Variants in PNPLA1 observed in about 807,000 individuals in gnomAD.
The protein encoded by PNPLA1 is omega-hydroxyceramide transacylase.
PNPLA1 carries 36 observed loss-of-function variants against 51.7 expected under a neutral mutation model. The ratio of observed to expected loss-of-function variants is 0.70; its 90% confidence interval spans 0.53 to 0.92. The LOEUF is 0.92. Among genes scored for constraint, PNPLA1 ranks in the 40% least tolerant of loss-of-function variants. PNPLA1 has a pLI of 0.00. For synonymous variants in PNPLA1, 293 were observed against 280.1 expected (o/e 1.05, Z -0.46); for missense variants, 658 against 682.5 (o/e 0.96, Z 0.40).
chr6:36,278,500 G>A (rs1770178828), intron 1 of PNPLA1, among the ~76,000 whole-genome samples: 1 of 152,170 alleles, frequency 6.6e-6, no homozygotes. Flanking sequence ...TGACTAGTTG[G>A]AGGCAGACCT....
At chr6:36,254,053 T>C (rs1258939177) in intron 1 of PNPLA1, among the ~76,000 whole-genome samples, 1 of 152,192 alleles carries the variant, frequency 6.6e-6, no homozygotes, top group Non-Finnish European at 1.5e-5. Context: ...GAAAGCAATA[T>C]GTTTTCTCAC....
At chr6:36,262,723 C>A (rs947159979) in intron 1 of PNPLA1, among the ~76,000 whole-genome samples, 3 of 152,180 alleles carry the variant, frequency 2.0e-5, no homozygotes, top group African/African-American at 7.2e-5. Context: ...GTTTCTTTAT[C>A]GTTATTTTTC....
intron 1 of PNPLA1, among the ~76,000 whole-genome samples, chr6:36,246,653 A>G (rs1769292018): frequency 6.6e-6 from 1 of 152,150 alleles, no homozygotes; most frequent in Admixed American, 6.5e-5. Flanking sequence ...CTTTATGCAT[A>G]AGAAACTAGA....
At chr6:36,256,106 T>A (rs1009611899) in intron 1 of PNPLA1, among the ~76,000 whole-genome samples, 6 of 152,152 alleles carry the variant, frequency 3.9e-5, no homozygotes, top group Non-Finnish European at 8.8e-5. Flanking sequence ...ACAGGTGATA[T>A]AATTGAATGA....
In PNPLA1 at chr6:36,294,082, T is replaced by C; in HGVS notation, c.505-108T>C. The stretch of plus-strand genomic sequence containing the variant: ...CCTGAGGGGTCTTCTGGATCTTCCT[T>C]GATGGGCCCTTGAAGCTGGTGCCAT... On this transcript the variant is annotated intron_variant, in intron 3 of 8. Transcript: ENST00000636260. The surrounding 1 kb of genome is among the most constrained non-coding windows in gnomAD (Gnocchi z 4.2). 7.7e-7 allele frequency: 1 copy of C among 1,305,668 alleles called. No homozygotes were observed. Among genetic ancestry groups the C allele is most frequent in the Admixed American group, 2.1e-5 (1 of 47,104 alleles). 80.9% of individuals were successfully genotyped at this position (1,305,668 alleles called of 1,614,324 possible). A position where few individuals can be genotyped will look rare whatever the true frequency, so the allele number is the denominator to read the frequency against.
chr6:36,304,926 A>T (rs933234), intron 6 of PNPLA1, among the ~76,000 whole-genome samples: 23,738 of 152,026 alleles, frequency 0.16, 1,955 homozygotes, highest in African/African-American at 0.2. Flanking sequence ...CAGGCTGGGG[A>T]CACTGAAAAA....
In PNPLA1 at chr6:36,293,087, G is replaced by C; in HGVS notation, c.465G>C (p.Pro155=). 6.2e-7 allele frequency: 1 copy of C among 1,614,026 alleles called. No individual in the cohort carries two copies. ...CCCTATACTGCAGCTGCTTCGTCCC[G>C]GTGTACTGTGGCCTCATCCCCCCGA... ...IEALYCSCFV[P]VYCGLIPPTY... Residue 155 remains proline, a synonymous_variant, in exon 3 of 9, where the codon CCG becomes CCC. Transcript: ENST00000636260.
intron 1 of PNPLA1, among the ~76,000 whole-genome samples, chr6:36,276,760 T>G (rs879750998): frequency 2.1e-4 from 30 of 145,672 alleles, no homozygotes; most frequent in Non-Finnish European, 2.7e-4. Flanking sequence ...GTTCGTTCCT[T>G]CCTTCCTTCC....
chr6:36,293,146 G>A lies in PNPLA1; in HGVS notation c.504+20G>A. ...GGTGTGGTGAGTGCTTCGGCATGGTGAGGGGTGAGATGGGATCCAAGGGAC... is the reference window on the plus strand; with the variant it reads ...GGTGTGGTGAGTGCTTCGGCATGGTAAGGGGTGAGATGGGATCCAAGGGAC... On this transcript the variant is annotated intron_variant, in intron 3 of 8. Coordinates refer to ENST00000636260, the MANE Select transcript of PNPLA1 (RefSeq NM_001374623.1). 6.2e-7 allele frequency: 1 copy of A among 1,611,618 alleles called. No individual in the cohort carries two copies. The highest frequency in any genetic ancestry group is 8.5e-7 in the Non-Finnish European group (1 of 1,177,790).
chr6:36,264,396 G>A (rs1769718141), intron 1 of PNPLA1, among the ~76,000 whole-genome samples: 1 of 152,032 alleles, frequency 6.6e-6, no homozygotes, highest in Non-Finnish European at 1.5e-5. Flanking sequence ...ATAACACCAA[G>A]TAAAAACAGC....
chr6:36,282,062 A>AAAGAAAGAAAGAAAGC (rs1770305764), intron 1 of PNPLA1, among the ~76,000 whole-genome samples: 1 of 115,120 alleles, frequency 8.7e-6, no homozygotes. Context: ...AGAAAGAAAG[A>AAAGAAAGAAAGAAAGC]AAGAAAGAAA....
At chr6:36,293,203 C>A in intron 3 of PNPLA1, 77 bp downstream of exon 3, 1 of 1,427,882 alleles carries the variant, frequency 7.0e-7, no homozygotes, top group Non-Finnish European at 9.8e-7. Flanking sequence ...CCTGGGGGAG[C>A]AGGGGGGTGG....
chr6:36,247,352 G>A (rs576382040), intron 1 of PNPLA1, among the ~76,000 whole-genome samples: 3 of 152,120 alleles, frequency 2.0e-5, no homozygotes, highest in Non-Finnish European at 4.4e-5. Flanking sequence ...GACTGTACTT[G>A]CTTGGCAAAA....
intron 7 of PNPLA1, 72 bp downstream of exon 7, chr6:36,306,448 C>G: frequency 4.4e-6 from 6 of 1,352,096 alleles, no homozygotes; most frequent in Non-Finnish European, 6.2e-6. Flanking sequence ...GCGATATCTT[C>G]CACCACCTTA....
rs1221161898 is a variant in PNPLA1 at position 36,273,650 on chromosome 6, T to C, written c.205+2986T>C. Among the ~76,000 whole-genome samples the C allele has an allele frequency of 2.1e-5, 3 of 139,934 alleles. No individual in the cohort carries two copies. The East Asian group carries it at 6.4e-4, about 30-fold the overall frequency. The allele number at this position is 139,934 out of a possible 152,430, so 91.8% of individuals were successfully genotyped here. A position where few individuals can be genotyped will look rare whatever the true frequency, so the allele number is the denominator to read the frequency against. On this transcript the variant is annotated intron_variant, in intron 1 of 8. Coordinates refer to ENST00000636260, the MANE Select transcript of PNPLA1 (RefSeq NM_001374623.1). ...GCTCATGCCTGTGATCCCAGCACTT[T>C]GAGAGGCCAAGGCAGGAAGATTGTG... is the stretch of plus-strand genomic sequence containing the variant.
chr6:36,311,095 C>T (rs1771398081), intron 8 of PNPLA1, among the ~76,000 whole-genome samples: 1 of 152,180 alleles, frequency 6.6e-6, no homozygotes, highest in African/African-American at 2.4e-5. Context: ...CTTGGGCTCA[C>T]CCTGCACCTA....
intron 1 of PNPLA1, among the ~76,000 whole-genome samples, chr6:36,254,480 G>A (rs1453809093): frequency 6.6e-6 from 1 of 152,034 alleles, no homozygotes; most frequent in African/African-American, 2.4e-5. Context: ...GGAGGCTGAG[G>A]CAGAGGATCA....
chr6:36,283,411 C>T (rs1379891258), intron 1 of PNPLA1, among the ~76,000 whole-genome samples: 1 of 152,152 alleles, frequency 6.6e-6, no homozygotes. Context: ...GTAAATAAAC[C>T]TCCAGACTTT....
rs376369008 is a variant in PNPLA1, at chr6:36,295,346, T to C, written c.715-18T>C. 32 of 1,614,040 alleles carry C rather than the reference T, an allele frequency of 2.0e-5. No individual in the cohort carries two copies. The highest frequency in any genetic ancestry group is 2.6e-5 in the Non-Finnish European group (31 of 1,179,986). ...CTCCCCGCAGCCTTGGTAATTCTCC[T>C]GGTGCCTCCGCCCACAGATCCTGCA... On this transcript the variant is annotated intron_variant, in intron 4 of 8. Coordinates refer to ENST00000636260, the MANE Select transcript of PNPLA1 (RefSeq NM_001374623.1).
Sources: allele counts gnomAD v4.1 joint callset (sites outside exome capture counted in the v4.1 genomes callset), GRCh38; gene constraint gnomAD v4.1.1; non-coding constraint Gnocchi (gnomAD v3.1); transcripts MANE v1.5; gene names NCBI Gene and HGNC (gene_info 2026-07-23, HGNC 2026-07-21).